The following OPCML variants were observed in gnomAD, a reference collection of about 807,000 sequenced individuals.
OPCML encodes opioid-binding protein/cell adhesion molecule.
In OPCML, 13 loss-of-function variants were observed where a neutral mutation model predicts 37.8. The observed-to-expected ratio is 0.34, with a 90% confidence interval of 0.22 to 0.55. The LOEUF (loss-of-function observed/expected upper bound fraction) is 0.55. OPCML is among the 20% of genes least tolerant of loss of function. OPCML has a pLI of 0.91. For missense variants in OPCML, 341 were observed against 435.6 expected (o/e 0.78, Z 1.93); for synonymous variants, 176 against 168.8 (o/e 1.04, Z -0.33).
At chr11:132,676,911 A>G (rs1942735455) in intron 2 of OPCML, among the ~76,000 whole-genome samples, 1 of 152,004 alleles carries the variant, frequency 6.6e-6, no homozygotes, top group Non-Finnish European at 1.5e-5. Flanking sequence ...CATTAAGACA[A>G]GAAAAAAAGC....
intron 3 of OPCML, among the ~76,000 whole-genome samples, chr11:132,580,021 C>A (rs558135211): frequency 6.6e-6 from 1 of 152,180 alleles, no homozygotes; most frequent in Non-Finnish European, 1.5e-5. Flanking sequence ...CCACACACCC[C>A]ATAACATCCA....
At chr11:133,187,644 T>C (rs1938145088) in intron 1 of OPCML, among the ~76,000 whole-genome samples, 1 of 152,058 alleles carries the variant, frequency 6.6e-6, no homozygotes, top group Admixed American at 6.6e-5. Context: ...GGACTTGAAG[T>C]CCCCTCAACA....
chr11:133,040,867 T>C (rs1462333351), intron 1 of OPCML, among the ~76,000 whole-genome samples: 1 of 152,162 alleles, frequency 6.6e-6, no homozygotes, highest in African/African-American at 2.4e-5. Context: ...GAGAAGTGGT[T>C]TGTGCAGTTT....
chr11:132,778,030 G>A (rs917015070), intron 2 of OPCML, among the ~76,000 whole-genome samples: 4 of 152,146 alleles, frequency 2.6e-5, no homozygotes, highest in African/African-American at 9.7e-5. Context: ...TTTCCTGAAA[G>A]AAGAGAGGTT....
chr11:133,115,454 C>G (rs1219629326), intron 1 of OPCML, among the ~76,000 whole-genome samples: 1 of 152,100 alleles, frequency 6.6e-6, no homozygotes, highest in Non-Finnish European at 1.5e-5. Context: ...CGGAAGCCAC[C>G]TGAGAAGAAA....
chr11:132,493,068 A>G (rs2096221028), intron 4 of OPCML, among the ~76,000 whole-genome samples: 1 of 152,250 alleles, frequency 6.6e-6, no homozygotes, highest in Admixed American at 6.5e-5. Flanking sequence ...ACCAGATGTG[A>G]GAACAAAGAA....
intron 1 of OPCML, among the ~76,000 whole-genome samples, chr11:132,979,286 T>C (rs1946532970): frequency 6.6e-6 from 1 of 152,222 alleles, no homozygotes; most frequent in Non-Finnish European, 1.5e-5. Context: ...TCCTCTGTCC[T>C]GAGCCCTCCC....
chr11:132,839,197 A>T (rs1056094087), intron 2 of OPCML, among the ~76,000 whole-genome samples: 2 of 152,180 alleles, frequency 1.3e-5, no homozygotes, highest in Non-Finnish European at 2.9e-5. Context: ...TTGTCAGAAA[A>T]AAACAGACCT....
At chr11:132,490,527 C>T (rs1194939920) in intron 4 of OPCML, among the ~76,000 whole-genome samples, 1 of 147,388 alleles carries the variant, frequency 6.8e-6, no homozygotes, top group Non-Finnish European at 1.5e-5. Flanking sequence ...TTCCACGCTT[C>T]CATCTTCCGG....
intron 4 of OPCML, among the ~76,000 whole-genome samples, chr11:132,511,654 G>T (rs576789506): frequency 1.0e-5 from 1 of 95,452 alleles, no homozygotes; most frequent in Non-Finnish European, 2.5e-5. Context: ...TTAGAAAAAG[G>T]ATTATGTTTT....
intron 1 of OPCML, among the ~76,000 whole-genome samples, chr11:133,164,340 G>A (rs899632046): frequency 6.6e-6 from 1 of 152,154 alleles, no homozygotes; most frequent in African/African-American, 2.4e-5. Flanking sequence ...GTCAGTATGA[G>A]TACTAACTTA....
intron 1 of OPCML, among the ~76,000 whole-genome samples, chr11:133,397,970 A>G (rs1036846504): frequency 6.6e-6 from 1 of 152,184 alleles, no homozygotes; most frequent in African/African-American, 2.4e-5. Flanking sequence ...TGTTTTCTGA[A>G]ATGTTTTCTA....
intron 1 of OPCML, among the ~76,000 whole-genome samples, chr11:133,155,725 C>T (rs773169864): frequency 9.2e-5 from 14 of 152,156 alleles, no homozygotes; most frequent in African/African-American, 1.4e-4. Flanking sequence ...TTGACATCTC[C>T]GCAGATTTAA....
At chr11:133,484,290 TA>T (rs1947482421) in intron 1 of OPCML, among the ~76,000 whole-genome samples, 1 of 151,938 alleles carries the variant, frequency 6.6e-6, no homozygotes, top group African/African-American at 2.4e-5. Flanking sequence ...ACTCCATAAA[TA>T]AAACAAGAAA....
intron 3 of OPCML, among the ~76,000 whole-genome samples, chr11:132,646,882 A>T (rs144075180): frequency 7.0e-4 from 107 of 152,326 alleles, no homozygotes; most frequent in African/African-American, 2.5e-3. Flanking sequence ...AAAACTGGAA[A>T]TTTAGATTTA....
At chr11:132,686,512 A>T (rs1448260255) in intron 2 of OPCML, among the ~76,000 whole-genome samples, 3 of 152,196 alleles carry the variant, frequency 2.0e-5, no homozygotes, top group Admixed American at 6.5e-5. Context: ...CCTTCTTCTC[A>T]TGTAAAGTCC....
chr11:132,804,184 G>T (rs529055318), intron 2 of OPCML, among the ~76,000 whole-genome samples: 1 of 152,142 alleles, frequency 6.6e-6, no homozygotes, highest in Non-Finnish European at 1.5e-5. Context: ...CAACCACATT[G>T]CAGGAAGTCA....
intron 2 of OPCML, among the ~76,000 whole-genome samples, chr11:132,797,515 T>C (rs1938396907): frequency 6.6e-6 from 1 of 152,228 alleles, no homozygotes; most frequent in Admixed American, 6.5e-5. Context: ...CTCAATAAAG[T>C]GAGTTTCACT....
intron 1 of OPCML, among the ~76,000 whole-genome samples, chr11:133,486,054 T>C (rs1947519574): frequency 6.6e-6 from 1 of 152,120 alleles, no homozygotes; most frequent in African/African-American, 2.4e-5. Context: ...TAAGCATGAG[T>C]TATAGTGCTG....
Sources: gnomAD v4.1 joint callset for allele counts (sites outside exome capture counted in the v4.1 genomes callset) on GRCh38, gnomAD v4.1.1 for gene constraint, MANE v1.5 for transcripts, NCBI Gene and HGNC (gene_info 2026-07-23, HGNC 2026-07-21) for gene names.